Variants in CRMP1 observed in about 807,000 individuals in gnomAD.
CRMP1 encodes collapsin response mediator protein 1, also known as dihydropyrimidinase-related protein 1.
A neutral mutation model predicts 68.3 loss-of-function variants in CRMP1; 19 were observed. The observed-to-expected ratio is 0.28, with a 90% confidence interval of 0.19 to 0.41. CRMP1 has a LOEUF of 0.41. CRMP1 is among the 10% of genes least tolerant of loss of function. CRMP1 has a pLI of 1.00. For synonymous variants in CRMP1, 439 were observed against 399.6 expected (o/e 1.10, Z -1.18); for missense variants, 791 against 967.4 (o/e 0.82, Z 2.42).
intron 9 of CRMP1, among the ~76,000 whole-genome samples, chr4:5,837,933 G>A (rs1212650033): frequency 6.6e-6 from 1 of 152,198 alleles, no homozygotes; most frequent in Non-Finnish European, 1.5e-5. Context: ...TTCTGCATGT[G>A]TCAGCTATAC....
chr4:5,828,736 G>A (rs1474606689), intron 11 of CRMP1, 68 bp from the exon 12 acceptor site: 12 of 1,538,438 alleles, frequency 7.8e-6, no homozygotes, highest in East Asian at 4.6e-5. Flanking sequence ...TCATAACAGC[G>A]ATTTTGCCTA....
At position 5,861,423 on chromosome 4, in the gene CRMP1, T is replaced by C. The variant is rs1713547173; in HGVS notation, c.471-213A>G. 6.6e-6 allele frequency among the ~76,000 whole-genome samples: 1 copy of C among 152,152 alleles called. No homozygotes were observed. On this transcript the variant is annotated intron_variant, in intron 2 of 13. Transcript: ENST00000324989. The surrounding 1 kb of genome is among the most constrained non-coding windows in gnomAD (Gnocchi z 6.0). ...AGGTGGGCAGACTGTTAGAGCCCAGTATAGCAGAGATGATCGGGGGCACGA... is the reference window on the plus strand; with the variant it reads ...AGGTGGGCAGACTGTTAGAGCCCAGCATAGCAGAGATGATCGGGGGCACGA...
chr4:5,883,884 G>A lies in CRMP1; in HGVS notation c.381+8705C>T, dbSNP rs1274987004. Among the ~76,000 whole-genome samples the A allele has an allele frequency of 1.3e-5, 2 of 152,174 alleles. No homozygotes were observed. Among genetic ancestry groups the A allele is most frequent in the Non-Finnish European group, 2.9e-5 (2 of 68,026 alleles). On this transcript the variant is annotated intron_variant, in intron 1 of 13. Transcript: ENST00000324989. The surrounding 1 kb of genome is among the most constrained non-coding windows in gnomAD (Gnocchi z 4.5). The stretch of plus-strand genomic sequence containing the variant: ...AGAAATGGGCATTCACGGTTAAGGT[G>A]GTATAGTTACGTCACTTTCACTTTT...
At position 5,842,575 on chromosome 4, in the gene CRMP1, T is replaced by C. The variant is rs987980028; in HGVS notation, c.1032+518A>G. On this transcript the variant is annotated intron_variant, in intron 7 of 13. Transcript: ENST00000324989. This position sits in a 1 kb window ranked among gnomAD's most constrained non-coding sequence, Gnocchi z 4.5. Reference sequence around the variant, plus strand: ...CACACTCCCTGCAGGTGCATGCACATGCACCCACACTCACACACTCTCTCA... The same window carrying C: ...CACACTCCCTGCAGGTGCATGCACACGCACCCACACTCACACACTCTCTCA... Among the ~76,000 whole-genome samples the C allele has an allele frequency of 6.6e-6, 1 of 150,532 alleles. No homozygotes were observed. Among genetic ancestry groups the C allele is most frequent in the Non-Finnish European group, 1.5e-5 (1 of 67,704 alleles).
Position 5,855,447 on chromosome 4 carries a change from C to T in CRMP1, c.820+696G>A, listed in dbSNP as rs1712984424. On this transcript the variant is annotated intron_variant, in intron 4 of 13. Coordinates refer to ENST00000324989, the MANE Select transcript of CRMP1 (RefSeq NM_001014809.3). This position sits in a 1 kb window ranked among gnomAD's most constrained non-coding sequence, Gnocchi z 4.9. ...TTTCCATTCTGCTGTTCTTTGCTTC[C>T]TTTGTGTCTTCTGATCAGTTCCCCC... Among the ~76,000 whole-genome samples the T allele has an allele frequency of 6.6e-6, 1 of 152,172 alleles. No homozygotes were observed. The highest frequency in any genetic ancestry group is 2.4e-5 in the African/African-American group (1 of 41,438).
chr4:5,840,107 G>T (rs928017037), intron 8 of CRMP1, among the ~76,000 whole-genome samples: 1 of 152,180 alleles, frequency 6.6e-6, no homozygotes, highest in Non-Finnish European at 1.5e-5. Context: ...GCTGGGGATT[G>T]AGGAAGTGAC....
rs549229118 is a variant in CRMP1 at position 5,885,971 on chromosome 4, G to T, written c.381+6618C>A. On this transcript the variant is annotated intron_variant, in intron 1 of 13. Transcript: ENST00000324989. Reference sequence around the variant, plus strand: ...CACCCATTTGTTACATGGCATTTAAGGCAGGGATCTGGTTCCTGTCACAAC... The same window carrying T: ...CACCCATTTGTTACATGGCATTTAATGCAGGGATCTGGTTCCTGTCACAAC... Among the ~76,000 whole-genome samples, 563 of 152,286 alleles carry T rather than the reference G, an allele frequency of 3.7e-3. 1 individual carries two copies. Among genetic ancestry groups the T allele is most frequent in the Non-Finnish European group, 6.4e-3 (438 of 68,024 alleles).
At chr4:5,862,169 C>A (rs1713613787) in intron 2 of CRMP1, among the ~76,000 whole-genome samples, 1 of 152,186 alleles carries the variant, frequency 6.6e-6, no homozygotes, top group African/African-American at 2.4e-5. Context: ...AATGTTACCA[C>A]ACATGTCCAC....
At chr4:5,856,089 A>G (rs1713032766) in intron 4 of CRMP1, 54 bp downstream of exon 4, 1 of 1,589,014 alleles carries the variant, frequency 6.3e-7, no homozygotes, top group African/African-American at 1.3e-5. Context: ...TAATCTTTGG[A>G]TCTACCAAAG....
intron 13 of CRMP1, among the ~76,000 whole-genome samples, chr4:5,823,797 A>G (rs961358249): frequency 7.6e-6 from 1 of 131,290 alleles, no homozygotes; most frequent in African/African-American, 3.5e-5. Flanking sequence ...AGCCAAGTAA[A>G]CCTCTTTAAT....
chr4:5,868,290 T>TATATATATATATATATATATATATAG (rs1205965019), intron 1 of CRMP1, among the ~76,000 whole-genome samples: 7 of 131,372 alleles, frequency 5.3e-5, no homozygotes, highest in African/African-American at 1.6e-4. Flanking sequence ...TATATATATA[T>TATATATATATATATATATATATATAG]ATATATATAT....
In CRMP1 at chr4:5,892,814, G is replaced by A. The variant is rs1365170361; in HGVS notation, c.156C>T (p.Ala52=). 2.9e-6 allele frequency: 4 copies of A among 1,398,366 alleles called. No individual in the cohort carries two copies. The highest frequency in any genetic ancestry group is 2.6e-5 in the Admixed American group (1 of 37,998). The allele number at this position is 1,398,366 out of a possible 1,614,324, so 86.6% of individuals were successfully genotyped here. Residue 52 remains alanine (A), a synonymous_variant, in exon 1 of 14, where the codon GCC becomes GCT. Coordinates refer to ENST00000324989, the MANE Select transcript of CRMP1 (RefSeq NM_001014809.3). This position sits in a 1 kb window ranked among gnomAD's most constrained non-coding sequence, Gnocchi z 8.6. ...AYENKTIDFD[A]YSVGRRGSAR... Reference sequence around the variant, plus strand: ...CCGAGCCGCGGCGGCCCACACTGTAGGCGTCGAAGTCGATGGTCTTGTTCT... The same window carrying A: ...CCGAGCCGCGGCGGCCCACACTGTAAGCGTCGAAGTCGATGGTCTTGTTCT...
chr4:5,843,221 T>C lies in CRMP1; in HGVS notation c.964-60A>G. 1.9e-6 allele frequency: 3 copies of C among 1,562,344 alleles called. No individual in the cohort carries two copies. Among genetic ancestry groups the C allele is most frequent in the African/African-American group, 1.4e-5 (1 of 73,942 alleles). On this transcript the variant is annotated intron_variant, in intron 6 of 13. Transcript: ENST00000324989. The surrounding 1 kb of genome is among the most constrained non-coding windows in gnomAD (Gnocchi z 4.1). ...GGGTGTCAGAGCTGGGAGAAGTGACTCCTCCAACCCCCTGGTTAGACAGAG... is the reference window on the plus strand; with the variant it reads ...GGGTGTCAGAGCTGGGAGAAGTGACCCCTCCAACCCCCTGGTTAGACAGAG...
chr4:5,850,625 C>G lies in CRMP1; in HGVS notation c.882+783G>C, dbSNP rs932645051. ...TAGCACTTTACTCTTCTTATGAAAT[C>G]ATTCAACTGCCTCTATAAGGTAGGG... On this transcript the variant is annotated intron_variant, in intron 5 of 13. Coordinates refer to ENST00000324989, the MANE Select transcript of CRMP1 (RefSeq NM_001014809.3). This position sits in a 1 kb window ranked among gnomAD's most constrained non-coding sequence, Gnocchi z 4.4. Among the ~76,000 whole-genome samples, 4 of 152,174 alleles carry G rather than the reference C, an allele frequency of 2.6e-5. No individual in the cohort carries two copies. The highest frequency in any genetic ancestry group is 5.9e-5 in the Non-Finnish European group (4 of 68,034).
At chr4:5,824,985 G>A in intron 13 of CRMP1, 2 of 985,394 alleles carry the variant, frequency 2.0e-6, no homozygotes, top group South Asian at 9.4e-5. Flanking sequence ...TGGATTTCTT[G>A]GGGCTTCCGT....
At position 5,843,235 on chromosome 4, in the gene CRMP1, G is replaced by T; in HGVS notation, c.964-74C>A. The T allele has an allele frequency of 6.6e-7, 1 of 1,504,492 alleles. No homozygotes were observed. The highest frequency in any genetic ancestry group is 9.2e-7 in the Non-Finnish European group (1 of 1,081,472). The allele number at this position is 1,504,492 out of a possible 1,614,324, so 93.2% of individuals were successfully genotyped here. On this transcript the variant is annotated intron_variant, in intron 6 of 13. Coordinates refer to ENST00000324989, the MANE Select transcript of CRMP1 (RefSeq NM_001014809.3). The surrounding 1 kb of genome is among the most constrained non-coding windows in gnomAD (Gnocchi z 4.1). ...GGAGAAGTGACTCCTCCAACCCCCT[G>T]GTTAGACAGAGGGGGCAGCTGGGTC... is the stretch of plus-strand genomic sequence containing the variant.
rs1715733703 is a variant in CRMP1 at position 5,888,163 on chromosome 4, C to T, written c.381+4426G>A. The T allele has an allele frequency of 8.1e-7, 1 of 1,234,064 alleles. No homozygotes were observed. Among genetic ancestry groups the T allele is most frequent in the African/African-American group, 1.6e-5 (1 of 64,190 alleles). 76.4% of individuals were successfully genotyped at this position (1,234,064 alleles called of 1,614,324 possible). On this transcript the variant is annotated intron_variant, in intron 1 of 13. Coordinates refer to ENST00000324989, the MANE Select transcript of CRMP1 (RefSeq NM_001014809.3). The surrounding 1 kb of genome is among the most constrained non-coding windows in gnomAD (Gnocchi z 6.4). ...TGCCGGCGCCCCGTGGATCTGGACC[C>T]TGCCGGGCGCCCACTCCCAGCCCAC...
At chr4:5,845,042 T>C (rs1431880247) in intron 6 of CRMP1, among the ~76,000 whole-genome samples, 1 of 152,232 alleles carries the variant, frequency 6.6e-6, no homozygotes, top group South Asian at 2.1e-4. Context: ...GCTAGTGCTA[T>C]GCCTGGCCAA....
At chr4:5,874,485 T>C (rs1430472642) in intron 1 of CRMP1, among the ~76,000 whole-genome samples, 2 of 152,168 alleles carry the variant, frequency 1.3e-5, no homozygotes, top group African/African-American at 4.8e-5. Flanking sequence ...TCACAGTTCA[T>C]GTGCCCATCT....
Sources: allele counts gnomAD v4.1 joint callset (sites outside exome capture counted in the v4.1 genomes callset), GRCh38; gene constraint gnomAD v4.1.1; non-coding constraint Gnocchi (gnomAD v3.1); transcripts MANE v1.5; gene names NCBI Gene and HGNC (gene_info 2026-07-23, HGNC 2026-07-21).